DOCK11: variants seen among roughly 807,000 people sequenced by gnomAD.
The protein encoded by DOCK11 is dedicator of cytokinesis 11.
A neutral mutation model predicts 169.1 loss-of-function variants in DOCK11; 70 were observed. The observed-to-expected ratio is 0.41, with a 90% CI of 0.34 to 0.51. The LOEUF (loss-of-function observed/expected upper bound fraction) is 0.51. Among genes scored for constraint, DOCK11 ranks in the 20% least tolerant of loss-of-function variants. The pLI is 0.10. For missense variants in DOCK11, 1,166 were observed against 1,538.8 expected (o/e 0.76, Z 4.05); for synonymous variants, 529 against 541.3 (o/e 0.98, Z 0.32).
Position 118,608,123 on chromosome X carries a change from T to C in DOCK11, c.2733T>C (p.Tyr911=), listed in dbSNP as rs2014580649. Residue 911 remains tyrosine, a synonymous_variant, in exon 25 of 53, where the codon TAT becomes TAC. Transcript: ENST00000276202. ...SKCHEEGLDS[Y]LRSFIKYSFR... Reference sequence around the variant, plus strand: ...GCCATGAAGAAGGCTTGGATAGTTATCTAAGATCATTCATAAAGGTTTGTG... The same window carrying C: ...GCCATGAAGAAGGCTTGGATAGTTACCTAAGATCATTCATAAAGGTTTGTG... 1 of 1,205,082 alleles carries C rather than the reference T, an allele frequency of 8.3e-7. No individual in the cohort carries two copies. The highest frequency in any genetic ancestry group is 1.7e-5 in the African/African-American group (1 of 57,518).
At chrX:118,587,275 A>G (rs186565949) in intron 16 of DOCK11, among the ~76,000 whole-genome samples, 2 of 112,214 alleles carry the variant, frequency 1.8e-5, no homozygotes, top group African/African-American at 3.2e-5. Flanking sequence ...TTTTCATATC[A>G]CTATATACAA....
chrX:118,674,882 G>A (rs140968124), intron 46 of DOCK11, among the ~76,000 whole-genome samples: 447 of 112,010 alleles, frequency 4.0e-3, no homozygotes, highest in African/African-American at 0.014. Context: ...TAGTGCATGT[G>A]AAGTGGCACC....
chrX:118,584,804 CAGT>C lies in DOCK11; in HGVS notation c.1668_1670del (p.Ser557del), dbSNP rs2013769293. ...GATTTTCTCCTCTGTATAAACAAGACAGTAGCAAGCTTTCAAGTGAAGACATTC... is the reference window on the plus strand; with the variant it reads ...GATTTTCTCCTCTGTATAAACAAGACAGCAAGCTTTCAAGTGAAGACATTC... On this transcript the variant is annotated inframe_deletion, in exon 15 of 53. Coordinates refer to ENST00000276202, the MANE Select transcript of DOCK11 (RefSeq NM_144658.4). The C allele has an allele frequency of 7.5e-6, 9 of 1,202,272 alleles. No homozygotes were observed. The highest frequency in any genetic ancestry group is 1.0e-5 in the Non-Finnish European group (9 of 890,988).
chrX:118,636,040 A>G (rs1315460762), intron 35 of DOCK11, among the ~76,000 whole-genome samples: 1 of 112,010 alleles, frequency 8.9e-6, no homozygotes, highest in Non-Finnish European at 1.9e-5. Flanking sequence ...GTAAAAACAC[A>G]GCAACTTCCC....
At chrX:118,578,721 A>C in intron 13 of DOCK11, 74 bp downstream of exon 13, 2 of 1,014,908 alleles carry the variant, frequency 2.0e-6, no homozygotes. Flanking sequence ...TTTAAATGCC[A>C]TTGCTTTGAG....
intron 1 of DOCK11, among the ~76,000 whole-genome samples, chrX:118,541,768 C>T (rs145694699): frequency 2.5e-4 from 28 of 112,250 alleles, no homozygotes; most frequent in African/African-American, 8.7e-4. Context: ...TATTATGTTA[C>T]ATCCTGGCTT....
chrX:118,608,373 C>T lies in DOCK11; in HGVS notation c.2877+17C>T. On this transcript the variant is annotated intron_variant, in intron 26 of 52. Transcript: ENST00000276202. Reference sequence around the variant, plus strand: ...TTGCTAAAGGTATGAACACAGGACACAACAAGGAACAAAAGCAGCCATAGA... The same window carrying T: ...TTGCTAAAGGTATGAACACAGGACATAACAAGGAACAAAAGCAGCCATAGA... 1 of 1,184,374 alleles carries T rather than the reference C, an allele frequency of 8.4e-7. No individual in the cohort carries two copies. The highest frequency in any genetic ancestry group is 1.9e-5 in the South Asian group (1 of 52,289).
chrX:118,579,984 A>G lies in DOCK11; in HGVS notation c.1513-113A>G, dbSNP rs191202342. On this transcript the variant is annotated intron_variant, in intron 13 of 52. Coordinates refer to ENST00000276202, the MANE Select transcript of DOCK11 (RefSeq NM_144658.4). ...ATTCTGCTTGTGGCTATTTCTATAT[A>G]TTTTTTTGAGATTTTTGATGTTTTG... 17 of 559,474 alleles carry G rather than the reference A, an allele frequency of 3.0e-5. No homozygotes were observed. In the East Asian group the frequency reaches 6.1e-4, roughly 20 times the overall value. The allele number at this position is 559,474 out of a possible 1,213,427, so 46.1% of individuals were successfully genotyped here. A position where few individuals can be genotyped will look rare whatever the true frequency, so the allele number is the denominator to read the frequency against.
rs762838853 is a variant in DOCK11 at position 118,616,556 on chromosome X, T to G, written c.3292+845T>G. 1.5e-4 allele frequency among the ~76,000 whole-genome samples: 17 copies of G among 111,051 alleles called. No individual in the cohort carries two copies. The East Asian group carries it at 1.7e-3, about 11-fold the overall frequency. On this transcript the variant is annotated intron_variant, in intron 30 of 52. Coordinates refer to ENST00000276202, the MANE Select transcript of DOCK11 (RefSeq NM_144658.4). ...TTTTTTTGTTTTTGTTTTTGTTTTT[T>G]TTTTGTGTGTGTCTCCTCTCTCAGG...
intron 1 of DOCK11, among the ~76,000 whole-genome samples, chrX:118,531,545 G>GTA (rs200395078): frequency 0.041 from 4,001 of 97,036 alleles, 72 homozygotes; most frequent in Non-Finnish European, 0.054. Context: ...TTTGAAGTGT[G>GTA]TATATATATA....
chrX:118,638,081 G>A lies in DOCK11; in HGVS notation c.3955G>A (p.Val1319Ile), dbSNP rs752782121. The stretch of plus-strand genomic sequence containing the variant: ...ACATGCTATTGTTTTTCTTTCTAGA[G>A]TATGCTTGTTTCACTTTAGATATAT... Reference protein sequence around the residue: ...ELINILILLEVCLFHFRYMGK... With the variant: ...ELINILILLEICLFHFRYMGK... Residue 1319 changes from valine to isoleucine, a missense_variant and splice_region_variant, in exon 37 of 53, where the codon GTA (valine) becomes ATA (isoleucine). Transcript: ENST00000276202. The A allele has an allele frequency of 2.5e-6, 3 of 1,201,043 alleles. No individual in the cohort carries two copies. In the South Asian group the frequency reaches 5.3e-5, roughly 21 times the overall value.
intron 31 of DOCK11, among the ~76,000 whole-genome samples, chrX:118,623,971 T>A (rs1018607981): frequency 8.8e-6 from 1 of 113,015 alleles, no homozygotes; most frequent in African/African-American, 3.2e-5. Flanking sequence ...TATTTACATA[T>A]TTACAAATAT....
chrX:118,545,464 A>G (rs1487779064), intron 5 of DOCK11, 72 bp downstream of exon 5: 1 of 781,393 alleles, frequency 1.3e-6, no homozygotes, highest in Non-Finnish European at 1.8e-6. Flanking sequence ...AAAGATTTCA[A>G]AGGGAATTTC....
intron 4 of DOCK11, among the ~76,000 whole-genome samples, chrX:118,544,373 C>T (rs1249261122): frequency 9.0e-6 from 1 of 111,173 alleles, no homozygotes; most frequent in Non-Finnish European, 1.9e-5. Context: ...AGTCACTTAA[C>T]CTGTTTGAGC....
At chrX:118,617,397 C>G (rs1441913287) in intron 30 of DOCK11, among the ~76,000 whole-genome samples, 1 of 109,759 alleles carries the variant, frequency 9.1e-6, no homozygotes, top group Non-Finnish European at 1.9e-5. Context: ...GAGGCTGAGG[C>G]AGCAGAATTG....
At chrX:118,674,864 A>G (rs925334870) in intron 46 of DOCK11, among the ~76,000 whole-genome samples, 2 of 111,881 alleles carry the variant, frequency 1.8e-5, no homozygotes, top group African/African-American at 6.5e-5. Context: ...GTTTTATAAA[A>G]TCCATCCTAG....
chrX:118,588,379 T>A (rs1331873307), intron 17 of DOCK11, 34 bp from the exon 18 acceptor site: 1 of 1,166,850 alleles, frequency 8.6e-7, no homozygotes, highest in Admixed American at 2.6e-5. Context: ...ATCTGCTAAT[T>A]GTGTGACTCA....
intron 40 of DOCK11, among the ~76,000 whole-genome samples, chrX:118,646,538 TAAGA>T (rs1245967186): frequency 9.0e-6 from 1 of 111,136 alleles, no homozygotes; most frequent in East Asian, 2.8e-4. Flanking sequence ...AGTAGTCAAA[TAAGA>T]AAGGAGAAAA....
At chrX:118,622,702 G>C (rs1293041308) in intron 31 of DOCK11, among the ~76,000 whole-genome samples, 1 of 111,789 alleles carries the variant, frequency 8.9e-6, no homozygotes, top group Non-Finnish European at 1.9e-5. Flanking sequence ...TTACCAAAGA[G>C]AAAACTGTAG....
Sources: allele counts gnomAD v4.1 joint callset (sites outside exome capture counted in the v4.1 genomes callset), GRCh38; gene constraint gnomAD v4.1.1; transcripts MANE v1.5; gene names NCBI Gene and HGNC (gene_info 2026-07-23, HGNC 2026-07-21).